Variants in PABPC4 observed in about 807,000 individuals in gnomAD.
PABPC4 encodes polyadenylate-binding protein 4.
A neutral mutation model predicts 74.5 loss-of-function variants in PABPC4; 15 were observed. The ratio of observed to expected loss-of-function variants is 0.20; its 90% CI spans 0.13 to 0.31. The LOEUF is 0.31. Among genes scored for constraint, PABPC4 ranks in the 10% least tolerant of loss-of-function variants. PABPC4 has a pLI of 1.00. For missense variants in PABPC4, 610 were observed against 853.5 expected (o/e 0.71, Z 3.55); for synonymous variants, 345 against 303.0 (o/e 1.14, Z -1.44).
rs758155195 is a variant in PABPC4 at position 39,572,353 on chromosome 1, CA to C, written c.387+39del. On this transcript the variant is annotated intron_variant, in intron 2 of 15. Coordinates refer to ENST00000372858, the MANE Select transcript of PABPC4 (RefSeq NM_001135653.2). Reference sequence around the variant, plus strand: ...TGGTATTTATCTTGTTTTCAAGAATCAATTAATTATTCTGCTAAAATCATTT... The same window carrying C: ...TGGTATTTATCTTGTTTTCAAGAATCATTAATTATTCTGCTAAAATCATTT... 411 of 1,396,598 alleles carry C rather than the reference CA, an allele frequency of 2.9e-4. 2 individuals carry two copies. The highest frequency in any genetic ancestry group is 1.6e-3 in the Admixed American group (92 of 55,866). 86.5% of individuals were successfully genotyped at this position (1,396,598 alleles called of 1,614,324 possible).
Position 39,564,425 on chromosome 1 carries a change from ACT to A in PABPC4, c.1449_1450del (p.Arg483SerfsTer4). ...CTTCTAAAGGCCAGTTTGCTCACCG[ACT>A]CTCTGAGTGGTAGTAGGGAGGCCAC... On this transcript the variant is annotated frameshift_variant, in exon 10 of 16. Coordinates refer to ENST00000372858, the MANE Select transcript of PABPC4 (RefSeq NM_001135653.2). LOFTEE classifies it high-confidence loss of function. 1 of 1,613,438 alleles carries A rather than the reference ACT, an allele frequency of 6.2e-7. No individual in the cohort carries two copies. Among genetic ancestry groups the A allele is most frequent in the Non-Finnish European group, 8.5e-7 (1 of 1,179,902 alleles).
At chr1:39,566,036 C>CG (rs894946398) in intron 7 of PABPC4, among the ~76,000 whole-genome samples, 4 of 152,164 alleles carry the variant, frequency 2.6e-5, no homozygotes, top group African/African-American at 9.7e-5. Flanking sequence ...CCCAGACCAA[C>CG]TAAGTCACAA....
chr1:39,572,428 TATC>T lies in PABPC4; in HGVS notation c.349_351del (p.Asp117del). 6.2e-7 allele frequency: 1 copy of T among 1,613,944 alleles called. No homozygotes were observed. The highest frequency in any genetic ancestry group is 8.5e-7 in the Non-Finnish European group (1 of 1,179,810). On this transcript the variant is annotated inframe_deletion, in exon 2 of 16. Transcript: ENST00000372858. ...AGTATGTTTCCAAAAGCAGAAAAAG[TATC>T]ATAAAGTGCCTTGTTATCTATAGAT...
intron 8 of PABPC4, 92 bp from the exon 9 acceptor site, chr1:39,564,865 CTAAT>C: frequency 9.4e-7 from 1 of 1,063,842 alleles, no homozygotes; most frequent in Admixed American, 2.1e-5. Context: ...AGGACCTAAG[CTAAT>C]TATTTAAATG....
At chr1:39,571,841 C>T (rs1273508268) in intron 2 of PABPC4, 3 of 279,802 alleles carry the variant, frequency 1.1e-5, no homozygotes, top group African/African-American at 6.6e-5. Context: ...CCACTGCACT[C>T]CACCCTGGGT....
At chr1:39,572,009 G>A (rs1184578422) in intron 2 of PABPC4, among the ~76,000 whole-genome samples, 2 of 152,338 alleles carry the variant, frequency 1.3e-5, no homozygotes, top group African/African-American at 2.4e-5. Flanking sequence ...CACCGTTTAA[G>A]TTTTAAAGTG....
At chr1:39,572,271 T>C in intron 2 of PABPC4, 122 bp downstream of exon 2, 1 of 754,270 alleles carries the variant, frequency 1.3e-6, no homozygotes, top group Admixed American at 2.7e-5. Flanking sequence ...GGATTCCATG[T>C]CCAGCATTTT....
intron 9 of PABPC4, 34 bp downstream of exon 9, chr1:39,564,652 C>G (rs1239653185): frequency 1.2e-6 from 2 of 1,611,300 alleles, no homozygotes; most frequent in African/African-American, 1.3e-5. Context: ...ACAGGTATAT[C>G]CTGGGCTGTC....
In PABPC4 at chr1:39,576,269, A is replaced by C. The variant is rs1164717197; in HGVS notation, c.-318T>G. 7.4e-6 allele frequency: 2 copies of C among 268,720 alleles called. No homozygotes were observed. The highest frequency in any genetic ancestry group is 1.4e-5 in the Non-Finnish European group (2 of 143,396). The allele number at this position is 268,720 out of a possible 1,614,324, so 16.6% of individuals were successfully genotyped here. A position where few individuals can be genotyped will look rare whatever the true frequency, so the allele number is the denominator to read the frequency against. On this transcript the variant is annotated 5_prime_UTR_variant, in exon 1 of 16. Coordinates refer to ENST00000372858, the MANE Select transcript of PABPC4 (RefSeq NM_001135653.2). ...AAGTAGGAAAAAAATTAAACGGGGA[A>C]TCCCCTTCCGAAGGGTAAAAATCCT...
chr1:39,573,406 C>T lies in PABPC4; in HGVS notation c.194-820G>A, dbSNP rs377312025. 1.2e-4 allele frequency among the ~76,000 whole-genome samples: 18 copies of T among 152,338 alleles called. No homozygotes were observed. The East Asian group carries it at 3.1e-3, about 26-fold the overall frequency. On this transcript the variant is annotated intron_variant, in intron 1 of 15. Coordinates refer to ENST00000372858, the MANE Select transcript of PABPC4 (RefSeq NM_001135653.2). The stretch of plus-strand genomic sequence containing the variant: ...ACCTTTTGAAGCCTTAATGGAAGTT[C>T]TGTAGAATTCTAGGACTTCAGCTAC...
chr1:39,562,391 T>TGCA lies in PABPC4; in HGVS notation c.1691_1693dup (p.Val564_Gln565insLeu), dbSNP rs762324227. On this transcript the variant is annotated inframe_insertion, in exon 13 of 16. Transcript: ENST00000372858. ...GGAGGCAGTCAGTGGCTCCTGCCCC[T>TGCA]GCACATGGACCGCAGGCTGGGGTGC... The TGCA allele has an allele frequency of 6.2e-7, 1 of 1,613,818 alleles. No homozygotes were observed. The highest frequency in any genetic ancestry group is 8.5e-7 in the Non-Finnish European group (1 of 1,179,938).
chr1:39,568,704 A>G, intron 6 of PABPC4, 98 bp downstream of exon 6: 1 of 1,122,592 alleles, frequency 8.9e-7, no homozygotes, highest in Non-Finnish European at 1.3e-6. Flanking sequence ...AGAAGAACAC[A>G]CTCCAAGTCC....
intron 5 of PABPC4, 111 bp downstream of exon 5, chr1:39,569,484 C>CT (rs1218076683): frequency 7.9e-6 from 6 of 758,956 alleles, no homozygotes; most frequent in Non-Finnish European, 1.4e-5. Context: ...AATGGTACAT[C>CT]TACTACCAGA....
chr1:39,564,848 A>G, intron 8 of PABPC4, 75 bp from the exon 9 acceptor site: 1 of 1,146,176 alleles, frequency 8.7e-7, no homozygotes, highest in Non-Finnish European at 1.3e-6. Context: ...ATCTCATCTC[A>G]CTAACCAGGA....
At position 39,575,904 on chromosome 1, in the gene PABPC4, G is replaced by A. The variant is rs780273818; in HGVS notation, c.48C>T (p.Gly16=). The change falls in exon 1 of 16, where the codon GGC becomes GGT. Residue 16 remains glycine, a synonymous_variant. Coordinates refer to ENST00000372858, the MANE Select transcript of PABPC4 (RefSeq NM_001135653.2). ...SSYPMASLYV[G]DLHSDVTEAM... ...CCTCGGTGACGTCCGAATGCAGGTC[G>A]CCCACGTACAGGGAGGCCATGGGGT... The A allele has an allele frequency of 2.2e-4, 356 of 1,610,064 alleles. 1 individual carries two copies. Among genetic ancestry groups the A allele is most frequent in the Non-Finnish European group, 2.9e-4 (341 of 1,178,464 alleles).
chr1:39,563,260 A>C (rs1303196096), intron 12 of PABPC4: 6 of 225,572 alleles, frequency 2.7e-5, no homozygotes, highest in Non-Finnish European at 4.4e-5. Flanking sequence ...TATTTCCTGC[A>C]TTAATGTACC....
At chr1:39,569,805 T>G (rs1014030551) in intron 4 of PABPC4, 58 bp downstream of exon 4, 37 of 1,600,840 alleles carry the variant, frequency 2.3e-5, no homozygotes, top group Non-Finnish European at 3.1e-5. Flanking sequence ...CCTCATCTCT[T>G]AAGAAAAAAC....
chr1:39,567,086 A>G (rs535638599), intron 7 of PABPC4, among the ~76,000 whole-genome samples: 2 of 152,272 alleles, frequency 1.3e-5, no homozygotes, highest in East Asian at 3.9e-4. Context: ...AAATGTTCAG[A>G]TGGCACCAGT....
At chr1:39,568,606 C>T in intron 6 of PABPC4, 196 bp downstream of exon 6, 1 of 485,578 alleles carries the variant, frequency 2.1e-6, no homozygotes, top group African/African-American at 2.0e-5. Flanking sequence ...GATGAATAAA[C>T]CCATCTCTTG....
Sources: gnomAD v4.1 joint callset for allele counts (sites outside exome capture counted in the v4.1 genomes callset) on GRCh38, gnomAD v4.1.1 for gene constraint, MANE v1.5 for transcripts, NCBI Gene and HGNC (gene_info 2026-07-23, HGNC 2026-07-21) for gene names.